Variants in POU2F1 observed in about 807,000 individuals in gnomAD.
The protein encoded by POU2F1 is POU domain, class 2, transcription factor 1.
Under a neutral mutation model 84.9 loss-of-function variants are expected in POU2F1, and 16 were observed. That is an observed-to-expected ratio of 0.19 (90% CI 0.13 to 0.29). The LOEUF (loss-of-function observed/expected upper bound fraction) is 0.29, where lower values mean the gene tolerates loss of function less well. Ranked by LOEUF, POU2F1 falls within the 10% of genes least tolerant of loss-of-function variation. POU2F1 has a pLI of 1.00. For missense variants in POU2F1, 738 were observed against 942.6 expected (o/e 0.78, Z 2.84); for synonymous variants, 368 against 368.3 (o/e 1.00, Z 0.01).
At chr1:167,303,408 C>CT (rs1377976241) in intron 1 of POU2F1, 2 of 154,318 alleles carry the variant, frequency 1.3e-5, no homozygotes, top group African/African-American at 4.8e-5. Flanking sequence ...ATTGTTCTCT[C>CT]TTTAAGTGTT....
chr1:167,414,774 C>T (rs1650192825), intron 15 of POU2F1: 1 of 941,360 alleles, frequency 1.1e-6, no homozygotes, highest in Non-Finnish European at 1.3e-6. Flanking sequence ...AAGTATTTAG[C>T]CTCAGGAAGT....
chr1:167,395,800 A>G (rs1388237850), intron 9 of POU2F1, among the ~76,000 whole-genome samples: 1 of 151,958 alleles, frequency 6.6e-6, no homozygotes, highest in Non-Finnish European at 1.5e-5. Flanking sequence ...ATGTTTTGCC[A>G]TGTTCTCCAG....
chr1:167,388,037 G>A (rs1487897662), intron 8 of POU2F1, among the ~76,000 whole-genome samples: 2 of 152,164 alleles, frequency 1.3e-5, no homozygotes, highest in African/African-American at 2.4e-5. Flanking sequence ...AAAGGTTTAT[G>A]TACCCTGAAA....
chr1:167,244,419 G>A (rs577738300), intron 1 of POU2F1, among the ~76,000 whole-genome samples: 1 of 152,216 alleles, frequency 6.6e-6, no homozygotes, highest in Non-Finnish European at 1.5e-5. Context: ...GCCAGAGGCT[G>A]TTCTCCATTC....
intron 1 of POU2F1, among the ~76,000 whole-genome samples, chr1:167,316,114 C>T (rs1243649924): frequency 2.6e-5 from 4 of 152,098 alleles, no homozygotes; most frequent in Non-Finnish European, 5.9e-5. Flanking sequence ...GGTAGCAGGA[C>T]GGAATTCTTT....
chr1:167,344,596 G>T (rs960401210), intron 2 of POU2F1, among the ~76,000 whole-genome samples: 2 of 152,140 alleles, frequency 1.3e-5, no homozygotes, highest in South Asian at 4.1e-4. Flanking sequence ...CCTTAGGCAA[G>T]TTACTTTTTT....
rs150393789 is a variant in POU2F1 at position 167,386,877 on chromosome 1, G to A, written c.814-2711G>A. Among the ~76,000 whole-genome samples the A allele has an allele frequency of 6.4e-3, 975 of 152,200 alleles. 8 individuals carry two copies. The highest frequency in any genetic ancestry group is 0.021 in the African/African-American group (863 of 41,530). Reference sequence around the variant, plus strand: ...TGCCAGGGACGGGGGGCTAATGGTGGGGATTAACTGCAAAGGGAACAAGGG... The same window carrying A: ...TGCCAGGGACGGGGGGCTAATGGTGAGGATTAACTGCAAAGGGAACAAGGG... On this transcript the variant is annotated intron_variant, in intron 8 of 15. Coordinates refer to ENST00000367866, the MANE Select transcript of POU2F1 (RefSeq NM_002697.4).
intron 1 of POU2F1, among the ~76,000 whole-genome samples, chr1:167,297,125 CAT>C (rs1456401952): frequency 1.3e-5 from 2 of 152,148 alleles, no homozygotes; most frequent in African/African-American, 4.8e-5. Context: ...TCATAATGTG[CAT>C]ATACAACAGG....
In POU2F1 at chr1:167,376,160, GCTC is replaced by G. The variant is rs765513486; in HGVS notation, c.718+11_718+13del. On this transcript the variant is annotated splice_donor_region_variant and intron_variant, in intron 7 of 15. Transcript: ENST00000367866. ...AGACGCCCCAGGGCCAGCAGGGTGA[GCTC>G]CTCCTTAGAGCTTATTAGTGGTATA... The G allele has an allele frequency of 1.3e-5, 21 of 1,614,010 alleles. No individual in the cohort carries two copies. In the East Asian group the frequency reaches 3.8e-4, roughly 29 times the overall value.
chr1:167,392,380 A>C (rs1648487130), intron 9 of POU2F1, among the ~76,000 whole-genome samples: 1 of 151,942 alleles, frequency 6.6e-6, no homozygotes. Context: ...GAAAGAAAGA[A>C]AGCTAAACAT....
At chr1:167,355,726 C>T (rs1306314523) in intron 2 of POU2F1, among the ~76,000 whole-genome samples, 1 of 152,022 alleles carries the variant, frequency 6.6e-6, no homozygotes, top group African/African-American at 2.4e-5. Flanking sequence ...GTGTCAAACT[C>T]CTGGCCTTAA....
In POU2F1 at chr1:167,419,411, G is replaced by A; in HGVS notation, c.*3601G>A. 1 of 152,024 alleles carries A rather than the reference G, an allele frequency of 6.6e-6. No homozygotes were observed. The highest frequency in any genetic ancestry group is 1.9e-4 in the East Asian group (1 of 5,196). 9.4% of individuals were successfully genotyped at this position (152,024 alleles called of 1,614,324 possible). The stretch of plus-strand genomic sequence containing the variant: ...TACTAAGCCAAAGACTATTCTAAAT[G>A]CATTTATAGTGAATACTATGTATGC... On this transcript the variant is annotated 3_prime_UTR_variant, in exon 16 of 16. Transcript: ENST00000367866.
chr1:167,383,642 A>G, intron 7 of POU2F1: 1 of 437,692 alleles, frequency 2.3e-6, no homozygotes, highest in Non-Finnish European at 4.1e-6. Context: ...TATGCCAAAG[A>G]CATATCAGTT....
chr1:167,417,622 G>GC lies in POU2F1; in HGVS notation c.*1813dup, dbSNP rs1376547136. 1 of 152,140 alleles carries GC rather than the reference G, an allele frequency of 6.6e-6. No individual in the cohort carries two copies. The highest frequency in any genetic ancestry group is 1.9e-4 in the East Asian group (1 of 5,192). The allele number at this position is 152,140 out of a possible 1,614,324, so 9.4% of individuals were successfully genotyped here. A position where few individuals can be genotyped will look rare whatever the true frequency, so the allele number is the denominator to read the frequency against. On this transcript the variant is annotated 3_prime_UTR_variant, in exon 16 of 16. Transcript: ENST00000367866. Reference sequence around the variant, plus strand: ...TGGAGTTAAAGGTTCCCATTTGGTGGCTGTGGGTGCTTGCTTAAATCTCTG... The same window carrying GC: ...TGGAGTTAAAGGTTCCCATTTGGTGGCCTGTGGGTGCTTGCTTAAATCTCTG...
intron 1 of POU2F1, among the ~76,000 whole-genome samples, chr1:167,296,361 C>T (rs377057030): frequency 2.0e-5 from 3 of 152,054 alleles, no homozygotes; most frequent in Non-Finnish European, 2.9e-5. Context: ...TAATTCCTGC[C>T]ACAGTGGTTC....
chr1:167,396,601 C>A, intron 10 of POU2F1, 174 bp downstream of exon 10: 1 of 643,050 alleles, frequency 1.6e-6, no homozygotes, highest in Non-Finnish European at 2.6e-6. Flanking sequence ...AAAGCTGATT[C>A]ATTTAAATAT....
At position 167,415,688 on chromosome 1, in the gene POU2F1, G is replaced by A; in HGVS notation, c.2179G>A (p.Ala727Thr). The A allele has an allele frequency of 6.2e-7, 1 of 1,614,170 alleles. No homozygotes were observed. Among genetic ancestry groups the A allele is most frequent in the Non-Finnish European group, 8.5e-7 (1 of 1,180,032 alleles). Reference protein sequence around the residue: ...SAAAASAGNSAPVASLHATST... With the variant: ...SAAAASAGNSTPVASLHATST... ...CGCCGCAGCATCTGCAGGGAACTCT[G>A]CACCTGTAGCCAGCCTTCACGCCAC... Residue 727 changes from alanine to threonine, a missense_variant, in exon 16 of 16, where the codon GCA becomes ACA. Physicochemically the swap from Ala to Thr is moderately conservative, Grantham distance 58. Transcript: ENST00000367866.
At chr1:167,381,603 CTTTTTTTTTTTT>C (rs147770215) in intron 7 of POU2F1, among the ~76,000 whole-genome samples, 2 of 65,988 alleles carry the variant, frequency 3.0e-5, no homozygotes, top group African/African-American at 1.3e-4. Context: ...GCTCTCTTCT[CTTTTTTTTTTTT>C]TTTTTTTTTT....
intron 1 of POU2F1, among the ~76,000 whole-genome samples, chr1:167,288,221 A>G (rs1653668314): frequency 6.6e-6 from 1 of 152,194 alleles, no homozygotes; most frequent in Admixed American, 6.5e-5. Flanking sequence ...CGCTTATTTT[A>G]TGACCTTGGT....
Sources: gnomAD v4.1 joint callset for allele counts (sites outside exome capture counted in the v4.1 genomes callset) on GRCh38, gnomAD v4.1.1 for gene constraint, MANE v1.5 for transcripts, NCBI Gene and HGNC (gene_info 2026-07-23, HGNC 2026-07-21) for gene names.